The following HDAC5 variants were observed in gnomAD, a reference collection of about 807,000 sequenced individuals.
HDAC5 encodes the protein histone deacetylase 5, also known as antigen NY-CO-9.
HDAC5 carries 25 observed loss-of-function variants against 133.3 expected under a neutral mutation model. That is an observed-to-expected ratio of 0.19 (90% CI 0.14 to 0.26). HDAC5 has a LOEUF of 0.26. Ranked by LOEUF, HDAC5 falls within the 10% of genes least tolerant of loss-of-function variation. The probability of loss-of-function intolerance (pLI) is 1.00; values close to 1 mark genes in which losing one functional copy is unlikely to be tolerated. For synonymous variants in HDAC5, 589 were observed against 610.8 expected, an observed-to-expected ratio of 0.96 and a Z score of 0.53; for missense variants, 1,041 against 1,460.5, an observed-to-expected ratio of 0.71 and a Z score of 4.68.
At chr17:44,094,094 A>AGGCAGATCACCTGAGGCC (rs1346396772) in intron 3 of HDAC5, among the ~76,000 whole-genome samples, 3 of 152,116 alleles carry the variant, frequency 2.0e-5, no homozygotes, top group Admixed American at 6.5e-5. Context: ...AGGCTGAGGC[A>AGGCAGATCACCTGAGGCC]GGCAGATCAC....
rs200621734 is a variant in HDAC5, at chr17:44,080,107, A to C, written c.2944T>G (p.Cys982Gly). 6.2e-7 allele frequency: 1 copy of C among 1,602,120 alleles called. No homozygotes were observed. The highest frequency in any genetic ancestry group is 1.7e-5 in the Admixed American group (1 of 59,992). ...PLGGYSVTAR[C>G]FGHLTRQLMT... ...TCCCTCAATCCCCCAGCAGGCTTAC[A>C]TCTGGCGGTGACAGAGTAGCCACCC... is the stretch of plus-strand genomic sequence containing the variant. The change falls in exon 23 of 27, where the codon TGT becomes GGT. Residue 982 changes from cysteine to glycine, a missense_variant and splice_region_variant. This residue lies in a region of HDAC5 where 174 missense variants were observed against 352.7 expected (regional missense o/e 0.49). Coordinates refer to ENST00000682912, the MANE Select transcript of HDAC5 (RefSeq NM_005474.5).
rs1321907437 is a variant in HDAC5 at position 44,107,625 on chromosome 17, A to AAG, written c.94+3103_94+3104insCT. On this transcript the variant is annotated intron_variant, in intron 3 of 26. Transcript: ENST00000682912. Reference sequence around the variant, plus strand: ...TCCGTATCAAAAAAAAAAAAAAAAAAAAAGGGCAGGGAAAGTACCTGATAG... The same window carrying AAG: ...TCCGTATCAAAAAAAAAAAAAAAAAAAGAAAGGGCAGGGAAAGTACCTGATAG... Among the ~76,000 whole-genome samples the AAG allele has an allele frequency of 1.5e-3, 220 of 151,358 alleles. 3 individuals are homozygous for AAG. Among genetic ancestry groups the AAG allele is most frequent in the African/African-American group, 5.3e-3 (217 of 41,110 alleles).
In HDAC5 at chr17:44,110,786, G is replaced by A. The variant is rs1328132374; in HGVS notation, c.37C>T (p.Arg13Trp). 2.5e-6 allele frequency: 4 copies of A among 1,613,680 alleles called. No homozygotes were observed. The highest frequency in any genetic ancestry group is 2.7e-5 in the African/African-American group (2 of 75,046). ...GGCAGGATTTCCAAGGATGGTTCCCGACCTGACATCCCATCTGCTGAGAAA... is the reference window on the plus strand; with the variant it reads ...GGCAGGATTTCCAAGGATGGTTCCCAACCTGACATCCCATCTGCTGAGAAA... ...SPNESDGMSG[R>W]EPSLEILPRT... The change falls in exon 3 of 27, where the codon CGG becomes TGG. Residue 13 changes from arginine (R) to tryptophan (W), a missense_variant. Transcript: ENST00000682912.
chr17:44,084,794 G>A, intron 15 of HDAC5, 119 bp from the exon 16 acceptor site: 1 of 1,382,742 alleles, frequency 7.2e-7, no homozygotes, highest in South Asian at 1.3e-5. Flanking sequence ...AATATTTTCA[G>A]AAAGTAGATC....
chr17:44,108,502 G>C (rs2052112025), intron 3 of HDAC5, among the ~76,000 whole-genome samples: 1 of 152,024 alleles, frequency 6.6e-6, no homozygotes, highest in African/African-American at 2.4e-5. Context: ...AAAGACCCTT[G>C]CCCCAACCCC....
At chr17:44,098,790 GAC>G (rs2051417458) in intron 3 of HDAC5, among the ~76,000 whole-genome samples, 1 of 150,406 alleles carries the variant, frequency 6.6e-6, no homozygotes. Flanking sequence ...TCCCTAAGAG[GAC>G]AGGCCAAGAG....
rs2052348441 is a variant in HDAC5 at position 44,111,575 on chromosome 17, T to C, written c.23-775A>G. On this transcript the variant is annotated intron_variant, in intron 2 of 26. Transcript: ENST00000682912. ...CAGACTCAAGCCTCCGTCTTTCTTC[T>C]TGCCTTCCAGAACAGGTAAAGGAAT... The C allele has an allele frequency of 1.2e-5, 6 of 516,928 alleles. No individual in the cohort carries two copies. The Admixed American group carries it at 1.2e-4, about 10-fold the overall frequency. 32.0% of individuals were successfully genotyped at this position (516,928 alleles called of 1,614,324 possible). A position where few individuals can be genotyped will look rare whatever the true frequency, so the allele number is the denominator to read the frequency against.
At chr17:44,111,763 T>A (rs2052361764) in intron 2 of HDAC5, 7 of 466,416 alleles carry the variant, frequency 1.5e-5, no homozygotes, top group Non-Finnish European at 2.6e-5. Flanking sequence ...GGCAGCTCCC[T>A]CCCGCTCATT....
chr17:44,079,012 C>CA, intron 24 of HDAC5, 132 bp downstream of exon 24: 1 of 1,506,052 alleles, frequency 6.6e-7, no homozygotes, highest in East Asian at 2.3e-5. Context: ...AACGCATACT[C>CA]AGAAAGCCTG....
chr17:44,078,625 C>T lies in HDAC5; in HGVS notation c.3204G>A (p.Leu1068=). The T allele has an allele frequency of 6.2e-7, 1 of 1,606,922 alleles. No homozygotes were observed. The highest frequency in any genetic ancestry group is 8.5e-7 in the Non-Finnish European group (1 of 1,179,776). The part of the protein sequence containing the change: ...WSCVQKFAAG[L]GRSLREAQAG... ...CTTGGGCCTCTCGCAGGGACCGGCC[C>T]AGACCAGCGGCGAACTTCTGCACAC... is the stretch of plus-strand genomic sequence containing the variant. Residue 1068 remains leucine, a synonymous_variant, in exon 26 of 27, where the codon CTG becomes CTA. Coordinates refer to ENST00000682912, the MANE Select transcript of HDAC5 (RefSeq NM_005474.5).
rs1046329342 is a variant in HDAC5, at chr17:44,083,942, G to A, written c.2306-88C>T. Reference sequence around the variant, plus strand: ...AGTTCGAGACCAGCCTGGACAACATGATGAAACCCCATCTCTACTAAAAAT... The same window carrying A: ...AGTTCGAGACCAGCCTGGACAACATAATGAAACCCCATCTCTACTAAAAAT... On this transcript the variant is annotated intron_variant, in intron 16 of 26. Coordinates refer to ENST00000682912, the MANE Select transcript of HDAC5 (RefSeq NM_005474.5). 7.0e-6 allele frequency: 7 copies of A among 1,005,820 alleles called. No individual in the cohort carries two copies. In the East Asian group the frequency reaches 1.7e-4, roughly 24 times the overall value. The allele number at this position is 1,005,820 out of a possible 1,614,324, so 62.3% of individuals were successfully genotyped here. A position where few individuals can be genotyped will look rare whatever the true frequency, so the allele number is the denominator to read the frequency against.
At chr17:44,087,020 G>C (rs183373486) in intron 13 of HDAC5, among the ~76,000 whole-genome samples, 358 of 151,634 alleles carry the variant, frequency 2.4e-3, no homozygotes, top group African/African-American at 8.3e-3. Flanking sequence ...AGTCAGGCCC[G>C]GAGGGCTCGG....
chr17:44,083,632 C>T lies in HDAC5; in HGVS notation c.2376G>A (p.Trp792Ter). The T allele has an allele frequency of 6.2e-7, 1 of 1,614,072 alleles. No individual in the cohort carries two copies. The highest frequency in any genetic ancestry group is 8.5e-7 in the Non-Finnish European group (1 of 1,179,950). ...GGIGVDSDTV[W>*]NEMHSSSAVR... ...CAGCACTGGAGGAGTGCATCTCATT[C>T]CACACGGTGTCACTGTCCACCTGCA... Residue 792 changes from tryptophan (W) to a stop codon, truncating the protein, a stop_gained, in exon 18 of 27, where the codon TGG becomes TGA. Transcript: ENST00000682912. LOFTEE classifies it high-confidence loss of function.
At position 44,110,739 on chromosome 17, in the gene HDAC5, G is replaced by C; in HGVS notation, c.84C>G (p.Ile28Met). Residue 28 changes from isoleucine to methionine, a missense_variant, in exon 3 of 27, where the codon ATC becomes ATG. Physicochemically the swap from Ile to Met is conservative, Grantham distance 10. Coordinates refer to ENST00000682912, the MANE Select transcript of HDAC5 (RefSeq NM_005474.5). ...CATCAAGGCACTTACCTGTCACAGGGATGCTGTGCAGAGAAGTCCGCGGCA... is the reference window on the plus strand; with the variant it reads ...CATCAAGGCACTTACCTGTCACAGGCATGCTGTGCAGAGAAGTCCGCGGCA... ...EILPRTSLHS[I>M]PVTVEVKPVL... 6.2e-7 allele frequency: 1 copy of C among 1,613,656 alleles called. No individual in the cohort carries two copies. Among genetic ancestry groups the C allele is most frequent in the Non-Finnish European group, 8.5e-7 (1 of 1,179,704 alleles).
intron 3 of HDAC5, 45 bp from the exon 4 acceptor site, chr17:44,093,879 G>C (rs2051098525): frequency 6.9e-7 from 1 of 1,450,082 alleles, no homozygotes; most frequent in Admixed American, 2.9e-5. Flanking sequence ...CCCAGCCCCA[G>C]ACTCCAGTCA....
rs146629891 is a variant in HDAC5, at chr17:44,081,168, C to G, written c.2608-286G>C. On this transcript the variant is annotated intron_variant, in intron 20 of 26. Coordinates refer to ENST00000682912, the MANE Select transcript of HDAC5 (RefSeq NM_005474.5). Reference sequence around the variant, plus strand: ...AAACCATGGGATAAATGTGGCATATCTCCCTACAGAACCCATTCCACCTCA... The same window carrying G: ...AAACCATGGGATAAATGTGGCATATGTCCCTACAGAACCCATTCCACCTCA... 2.0e-5 allele frequency among the ~76,000 whole-genome samples: 3 copies of G among 152,318 alleles called. No homozygotes were observed. In the South Asian group the frequency reaches 6.2e-4, roughly 32 times the overall value.
At position 44,093,295 on chromosome 17, in the gene HDAC5, C is replaced by G. The variant is rs201070919; in HGVS notation, c.526+19G>C. 3.8e-3 allele frequency: 6,002 copies of G among 1,581,576 alleles called. 32 individuals carry two copies. The highest frequency in any genetic ancestry group is 7.7e-3 in the South Asian group (677 of 87,362). The stretch of plus-strand genomic sequence containing the variant: ...ATCACGGGCGGGGCCCTACGAGGTC[C>G]CAGGAGGCCCTGCCTTACTCTCTTT... On this transcript the variant is annotated intron_variant, in intron 5 of 26. Transcript: ENST00000682912.
chr17:44,091,529 C>T, intron 10 of HDAC5, 37 bp from the exon 11 acceptor site: 3 of 1,529,640 alleles, frequency 2.0e-6, no homozygotes, highest in Middle Eastern at 2.2e-4. Context: ...CAGCCTCAGT[C>T]CTGCCAACTT....
rs559181697 is a variant in HDAC5, at chr17:44,099,478, T to C, written c.95-5644A>G. On this transcript the variant is annotated intron_variant, in intron 3 of 26. Transcript: ENST00000682912. Reference sequence around the variant, plus strand: ...GTGGGGCTGTGTGTGTTTCGTTTTTTCTTTTTTTTTTTTTGAGACGGAGTC... The same window carrying C: ...GTGGGGCTGTGTGTGTTTCGTTTTTCCTTTTTTTTTTTTTGAGACGGAGTC... 3.4e-4 allele frequency among the ~76,000 whole-genome samples: 51 copies of C among 150,976 alleles called. 1 individual carries two copies. Among genetic ancestry groups the C allele is most frequent in the African/African-American group, 1.1e-3 (44 of 41,026 alleles).
Sources: allele counts gnomAD v4.1 joint callset (sites outside exome capture counted in the v4.1 genomes callset), GRCh38; gene constraint gnomAD v4.1.1; regional missense constraint gnomAD v4.1.1; transcripts MANE v1.5; gene names NCBI Gene and HGNC (gene_info 2026-07-23, HGNC 2026-07-21).